Variants in GSG1L observed in about 807,000 individuals in gnomAD.
GSG1L encodes GSG1 like, also known as germ cell-specific gene 1-like protein.
GSG1L carries 24 observed loss-of-function variants against 42.1 expected under a neutral mutation model. The ratio of observed to expected loss-of-function variants is 0.57; its 90% CI spans 0.41 to 0.80. The LOEUF (loss-of-function observed/expected upper bound fraction) is 0.80, where lower values mean the gene tolerates loss of function less well. Among genes scored for constraint, GSG1L ranks in the 30% least tolerant of loss-of-function variants. The pLI, the probability that GSG1L is intolerant of heterozygous loss-of-function variation, is 0.00. For missense variants in GSG1L, 445 were observed against 472.2 expected, an observed-to-expected ratio of 0.94 and a Z score of 0.53; for synonymous variants, 215 against 203.5, an observed-to-expected ratio of 1.06 and a Z score of -0.48.
chr16:28,044,527 T>G (rs1287937765), intron 1 of GSG1L, among the ~76,000 whole-genome samples: 1 of 151,506 alleles, frequency 6.6e-6, no homozygotes, highest in Non-Finnish European at 1.5e-5. Flanking sequence ...AGTAGGTGAG[T>G]AGATAAACTA....
At chr16:27,819,235 C>T (rs2083126543) in intron 5 of GSG1L, among the ~76,000 whole-genome samples, 1 of 142,012 alleles carries the variant, frequency 7.0e-6, no homozygotes, top group African/African-American at 2.6e-5. Flanking sequence ...GGCGACAGAA[C>T]AAGACTCTGT....
intron 1 of GSG1L, among the ~76,000 whole-genome samples, chr16:28,051,562 G>A (rs980931766): frequency 5.3e-5 from 8 of 151,876 alleles, no homozygotes; most frequent in Non-Finnish European, 1.2e-4. Flanking sequence ...AGGTGACTGC[G>A]ACTTTAAATA....
At chr16:28,008,323 A>G (rs1044822841) in intron 1 of GSG1L, among the ~76,000 whole-genome samples, 15 of 151,956 alleles carry the variant, frequency 9.9e-5, no homozygotes, top group East Asian at 1.9e-4. Context: ...CAGGTGATCC[A>G]CCCGCCTCGG....
At chr16:27,803,937 G>A (rs1282690256) in intron 6 of GSG1L, among the ~76,000 whole-genome samples, 5 of 151,684 alleles carry the variant, frequency 3.3e-5, no homozygotes, top group Non-Finnish European at 7.4e-5. Flanking sequence ...TGGATGGATA[G>A]ATTAGATAGA....
intron 2 of GSG1L, among the ~76,000 whole-genome samples, chr16:27,914,336 C>T (rs1377671794): frequency 2.6e-5 from 4 of 152,026 alleles, no homozygotes; most frequent in Non-Finnish European, 5.9e-5. Flanking sequence ...CTTAGTACAA[C>T]ATTAAGTGGA....
chr16:27,868,505 A>G (rs1251626736), intron 3 of GSG1L, among the ~76,000 whole-genome samples: 1 of 152,236 alleles, frequency 6.6e-6, no homozygotes, highest in African/African-American at 2.4e-5. Context: ...ATCAATTATT[A>G]CAAATGCTAA....
chr16:27,957,336 G>A (rs549124276), intron 2 of GSG1L, among the ~76,000 whole-genome samples: 1 of 152,272 alleles, frequency 6.6e-6, no homozygotes, highest in Admixed American at 6.5e-5. Flanking sequence ...GACAGAGCAA[G>A]ACTCCACCAA....
intron 1 of GSG1L, among the ~76,000 whole-genome samples, chr16:27,979,528 C>T (rs1783775575): frequency 6.9e-6 from 1 of 145,920 alleles, no homozygotes; most frequent in Non-Finnish European, 1.5e-5. Context: ...AAGATCATGC[C>T]CTTGCACTCC....
At chr16:28,006,627 GGTGGGTGAGACTGT>G (rs2085642468) in intron 1 of GSG1L, among the ~76,000 whole-genome samples, 1 of 152,138 alleles carries the variant, frequency 6.6e-6, no homozygotes, top group African/African-American at 2.4e-5. Context: ...CTTGATTTTA[GGTGGGTGAGACTGT>G]CCTGGATTCC....
Position 28,063,694 on chromosome 16 carries a change from G to C in GSG1L, c.-270C>G, listed in dbSNP as rs533586643. On this transcript the variant is annotated 5_prime_UTR_variant, in exon 1 of 7. Coordinates refer to ENST00000447459, the MANE Select transcript of GSG1L (RefSeq NM_001109763.2). This position sits in a 1 kb window ranked among gnomAD's most constrained non-coding sequence, Gnocchi z 5.8. ...GGAGCCCGGAGCGCGAGTGCACCTC[G>C]GCTAGGAGCCGCTGGCGCCTGGCAG... is the stretch of plus-strand genomic sequence containing the variant. Among the ~76,000 whole-genome samples the C allele has an allele frequency of 6.1e-4, 91 of 150,118 alleles. No individual in the cohort carries two copies. The highest frequency in any genetic ancestry group is 1.4e-3 in the Admixed American group (21 of 15,134).
chr16:28,016,763 A>G (rs2085786038), intron 1 of GSG1L, among the ~76,000 whole-genome samples: 1 of 152,160 alleles, frequency 6.6e-6, no homozygotes, highest in South Asian at 2.1e-4. Flanking sequence ...TCTCTGCACA[A>G]TTATCTACTG....
chr16:27,914,274 CA>C (rs554314037), intron 2 of GSG1L, among the ~76,000 whole-genome samples: 150 of 152,102 alleles, frequency 9.9e-4, no homozygotes, highest in Admixed American at 6.9e-3. Flanking sequence ...TTTATACCAG[CA>C]AAAAGACTGG....
At chr16:27,889,634 G>A (rs1268817693) in intron 2 of GSG1L, among the ~76,000 whole-genome samples, 1 of 152,208 alleles carries the variant, frequency 6.6e-6, no homozygotes, top group African/African-American at 2.4e-5. Context: ...CTGACCAGCA[G>A]GGTCCTGTCC....
At chr16:27,819,810 G>A (rs1237246500) in intron 5 of GSG1L, among the ~76,000 whole-genome samples, 3 of 152,172 alleles carry the variant, frequency 2.0e-5, no homozygotes, top group African/African-American at 7.2e-5. Flanking sequence ...CCCTGATGAC[G>A]TTAGCATATT....
rs146497494 is a variant in GSG1L at position 28,003,986 on chromosome 16, C to T, written c.350-40783G>A. ...AAGAAGAGTCAGTGTGGCAGGATGACACGGGCGGCACAGCTGCTGGTGCCC... is the reference window on the plus strand; with the variant it reads ...AAGAAGAGTCAGTGTGGCAGGATGATACGGGCGGCACAGCTGCTGGTGCCC... On this transcript the variant is annotated intron_variant, in intron 1 of 6. Coordinates refer to ENST00000447459, the MANE Select transcript of GSG1L (RefSeq NM_001109763.2). Among the ~76,000 whole-genome samples the T allele has an allele frequency of 3.5e-3, 528 of 152,370 alleles. 1 individual carries two copies. The highest frequency in any genetic ancestry group is 5.2e-3 in the Non-Finnish European group (354 of 68,038).
chr16:28,050,605 G>A (rs531299825), intron 1 of GSG1L, among the ~76,000 whole-genome samples: 1 of 152,350 alleles, frequency 6.6e-6, no homozygotes, highest in South Asian at 2.1e-4. Flanking sequence ...AGCAGGTAAG[G>A]GTTTGGTGCC....
chr16:27,934,397 T>A, intron 2 of GSG1L, among the ~76,000 whole-genome samples: 1 of 152,098 alleles, frequency 6.6e-6, no homozygotes. Flanking sequence ...TAGCCAGGCA[T>A]GATGGCAGGT....
chr16:28,050,689 A>G (rs2086212751), intron 1 of GSG1L, among the ~76,000 whole-genome samples: 1 of 152,256 alleles, frequency 6.6e-6, no homozygotes, highest in South Asian at 2.1e-4. Context: ...GCAGGCTTCA[A>G]AAGTCACAAA....
chr16:27,941,053 A>G (rs1370338967), intron 2 of GSG1L, among the ~76,000 whole-genome samples: 1 of 152,144 alleles, frequency 6.6e-6, no homozygotes, highest in African/African-American at 2.4e-5. Flanking sequence ...TAAAACTCTT[A>G]GTAGAAAACA....
Sources: allele counts gnomAD v4.1 joint callset (sites outside exome capture counted in the v4.1 genomes callset), GRCh38; gene constraint gnomAD v4.1.1; non-coding constraint Gnocchi (gnomAD v3.1); transcripts MANE v1.5; gene names NCBI Gene and HGNC (gene_info 2026-07-23, HGNC 2026-07-21).